Variants in C12orf56 observed in about 807,000 individuals in gnomAD.
C12orf56 encodes the protein uncharacterized protein C12orf56.
A neutral mutation model predicts 69.9 loss-of-function variants in C12orf56; 71 were observed. The ratio of observed to expected loss-of-function variants is 1.02; its 90% CI spans 0.84 to 1.24. The LOEUF is 1.24. Ranked by LOEUF, C12orf56 falls within the 50% of genes most tolerant of loss-of-function variation. The pLI is 0.00. For missense variants in C12orf56, 732 were observed against 738.5 expected, an observed-to-expected ratio of 0.99 and a Z score of 0.10; for synonymous variants, 276 against 274.1, an observed-to-expected ratio of 1.01 and a Z score of -0.07.
chr12:64,386,618 A>T (rs919196071), intron 1 of C12orf56, among the ~76,000 whole-genome samples: 6 of 151,170 alleles, frequency 4.0e-5, no homozygotes, highest in Non-Finnish European at 8.8e-5. Context: ...CTGGTCTCAA[A>T]CTCCCAACCT....
intron 6 of C12orf56, among the ~76,000 whole-genome samples, chr12:64,299,806 C>T (rs2038420699): frequency 6.6e-6 from 1 of 152,084 alleles, no homozygotes; most frequent in Admixed American, 6.6e-5. Flanking sequence ...GGCATGAAAA[C>T]TGTCTGTTAA....
chr12:64,340,628 A>T (rs2039062349), intron 2 of C12orf56, among the ~76,000 whole-genome samples: 1 of 152,264 alleles, frequency 6.6e-6, no homozygotes, highest in African/African-American at 2.4e-5. Flanking sequence ...CACATGCTAA[A>T]GGAAAAAGGA....
intron 2 of C12orf56, among the ~76,000 whole-genome samples, chr12:64,344,372 C>T (rs923011437): frequency 1.3e-5 from 2 of 152,144 alleles, no homozygotes; most frequent in African/African-American, 2.4e-5. Context: ...TTTGTCCATT[C>T]GACCTAGAAG....
intron 8 of C12orf56, among the ~76,000 whole-genome samples, chr12:64,281,958 C>G (rs1360794866): frequency 6.6e-6 from 1 of 152,100 alleles, no homozygotes; most frequent in East Asian, 1.9e-4. Flanking sequence ...AAAGGATAAC[C>G]AGATTTAGTG....
At position 64,286,030 on chromosome 12, in the gene C12orf56, T is replaced by C; in HGVS notation, c.1144A>G (p.Lys382Glu). The C allele has an allele frequency of 6.2e-7, 1 of 1,608,794 alleles. No individual in the cohort carries two copies. Among genetic ancestry groups the C allele is most frequent in the African/African-American group, 1.3e-5 (1 of 74,890 alleles). ...TSDLFYFIVN[K>E]LHEYLPESRD... ...GACTCCGGCAAGTACTCATGAAGTT[T>C]GTTTACTATGAAATAGAAAAGGTCA... Residue 382 changes from lysine (K) to glutamate (E), a missense_variant, in exon 7 of 13, where the codon AAA (lysine) becomes GAA (glutamate). Lys to Glu is a moderately conservative substitution (Grantham distance 56, BLOSUM62 1). Coordinates refer to ENST00000543942, the MANE Select transcript of C12orf56 (RefSeq NM_001170633.2).
intron 11 of C12orf56, among the ~76,000 whole-genome samples, chr12:64,273,277 A>G (rs2136746214): frequency 6.6e-6 from 1 of 151,534 alleles, no homozygotes; most frequent in South Asian, 2.1e-4. Flanking sequence ...CAGCCTGGGC[A>G]ACAGAGCAAG....
chr12:64,322,203 A>G (rs776424127), intron 3 of C12orf56, among the ~76,000 whole-genome samples: 40 of 151,702 alleles, frequency 2.6e-4, no homozygotes, highest in Non-Finnish European at 3.8e-4. Flanking sequence ...CATGAATACT[A>G]GATCTTTTTA....
At chr12:64,352,099 GTTTTTT>G (rs55762803) in intron 2 of C12orf56, among the ~76,000 whole-genome samples, 1 of 148,682 alleles carries the variant, frequency 6.7e-6, no homozygotes, top group African/African-American at 2.6e-5. Flanking sequence ...TTTTGTTTTT[GTTTTTT>G]TTTTTTTTTT....
chr12:64,367,928 C>T (rs1020168981), intron 1 of C12orf56, among the ~76,000 whole-genome samples: 2 of 151,666 alleles, frequency 1.3e-5, no homozygotes, highest in African/African-American at 2.4e-5. Context: ...CTGCCTCAGA[C>T]TCCGGAGTAG....
At chr12:64,295,913 C>T (rs1030801920) in intron 6 of C12orf56, among the ~76,000 whole-genome samples, 4 of 151,840 alleles carry the variant, frequency 2.6e-5, no homozygotes, top group African/African-American at 9.7e-5. Context: ...CATCCTATTA[C>T]AGGAACCAAA....
At chr12:64,339,961 C>T (rs964716489) in intron 2 of C12orf56, among the ~76,000 whole-genome samples, 1 of 151,850 alleles carries the variant, frequency 6.6e-6, no homozygotes, top group Non-Finnish European at 1.5e-5. Flanking sequence ...TATATGATAA[C>T]TTCCATATAT....
chr12:64,277,530 T>A lies in C12orf56; in HGVS notation c.1434+150A>T, dbSNP rs567878489. ...TCTAAATCTACTTTAGACTGACTAG[T>A]TATCTAAGTTTTGAGGTTAATGACA... On this transcript the variant is annotated intron_variant, in intron 9 of 12. Transcript: ENST00000543942. The A allele has an allele frequency of 1.7e-5, 7 of 422,928 alleles. No individual in the cohort carries two copies. In the Admixed American group the frequency reaches 3.0e-4, roughly 18 times the overall value. 26.2% of individuals were successfully genotyped at this position (422,928 alleles called of 1,614,324 possible). A position where few individuals can be genotyped will look rare whatever the true frequency, so the allele number is the denominator to read the frequency against.
intron 2 of C12orf56, among the ~76,000 whole-genome samples, chr12:64,351,871 A>G (rs911121966): frequency 1.3e-3 from 9 of 6,850 alleles, no homozygotes; most frequent in Non-Finnish European, 3.7e-3. Context: ...ACTCCTTTGG[A>G]AAAAAAAAAA....
intron 2 of C12orf56, among the ~76,000 whole-genome samples, chr12:64,335,719 T>G (rs1293713351): frequency 3.3e-5 from 5 of 152,190 alleles, no homozygotes; most frequent in Admixed American, 3.3e-4. Flanking sequence ...CCTCTATATA[T>G]TCAGAAAAGT....
At chr12:64,311,733 G>A (rs2038619704) in intron 5 of C12orf56, among the ~76,000 whole-genome samples, 1 of 152,156 alleles carries the variant, frequency 6.6e-6, no homozygotes, top group Non-Finnish European at 1.5e-5. Context: ...AAAAAGAGAT[G>A]TCATACATAT....
At chr12:64,298,222 G>A (rs2038395637) in intron 6 of C12orf56, among the ~76,000 whole-genome samples, 1 of 152,066 alleles carries the variant, frequency 6.6e-6, no homozygotes, top group Admixed American at 6.6e-5. Context: ...CCCACTTTTT[G>A]ATGGGGTTGT....
intron 4 of C12orf56, among the ~76,000 whole-genome samples, chr12:64,317,547 G>A (rs941277689): frequency 6.6e-6 from 1 of 152,056 alleles, no homozygotes; most frequent in African/African-American, 2.4e-5. Flanking sequence ...ATCACCTGAG[G>A]TCGGGAGTTC....
Position 64,317,977 on chromosome 12 carries a change from C to G in C12orf56, c.894+598G>C, listed in dbSNP as rs541164803. ...GCAACTGCAAAAGACCACCTGCTCA[C>G]ACATATTCCAGGATAAGACTTGTCT... On this transcript the variant is annotated intron_variant, in intron 4 of 12. Coordinates refer to ENST00000543942, the MANE Select transcript of C12orf56 (RefSeq NM_001170633.2). 1.5e-4 allele frequency among the ~76,000 whole-genome samples: 23 copies of G among 152,236 alleles called. No homozygotes were observed. In the South Asian group the frequency reaches 4.8e-3, roughly 32 times the overall value.
intron 2 of C12orf56, chr12:64,338,826 G>A (rs73118334): frequency 0.13 from 126,655 of 987,448 alleles, 9,182 homozygotes; most frequent in East Asian, 0.28. Flanking sequence ...TGAGCAGCAG[G>A]CTCGAGTTTA....
Sources: gnomAD v4.1 joint callset for allele counts (sites outside exome capture counted in the v4.1 genomes callset) on GRCh38, gnomAD v4.1.1 for gene constraint, MANE v1.5 for transcripts, NCBI Gene and HGNC (gene_info 2026-07-23, HGNC 2026-07-21) for gene names.